CSMD3: variants seen among roughly 807,000 people sequenced by gnomAD.
The protein encoded by CSMD3 is CUB and sushi domain-containing protein 3.
Under a neutral mutation model 435.2 loss-of-function variants are expected in CSMD3, and 177 were observed. That is an observed-to-expected ratio of 0.41 (90% CI 0.36 to 0.46). The LOEUF (loss-of-function observed/expected upper bound fraction) is 0.46, where lower values mean the gene tolerates loss of function less well. Among genes scored for constraint, CSMD3 ranks in the 20% least tolerant of loss-of-function variants. CSMD3 has a pLI of 0.34. For synonymous variants in CSMD3, 1,656 were observed against 1,520.5 expected (o/e 1.09, Z -2.07); for missense variants, 4,265 against 4,504.6 (o/e 0.95, Z 1.52).
rs186772656 is a variant in CSMD3, at chr8:113,306,161, T to A, written c.401+8410A>T. Among the ~76,000 whole-genome samples the A allele has an allele frequency of 6.9e-4, 105 of 152,292 alleles. 3 individuals are homozygous for A. In the East Asian group the frequency reaches 0.018, roughly 27 times the overall value. On this transcript the variant is annotated intron_variant, in intron 2 of 70. Transcript: ENST00000297405. ...GAGAAATAATAAATAATAACTATTA[T>A]TATAGTTGTTAATATCACATATGTC...
chr8:112,721,518 G>A (rs1302222300), intron 13 of CSMD3, among the ~76,000 whole-genome samples: 1 of 152,192 alleles, frequency 6.6e-6, no homozygotes, highest in East Asian at 1.9e-4. Flanking sequence ...GGAGTTTGCA[G>A]TGAGCCGAGA....
chr8:112,610,334 T>TAA (rs78145810), intron 22 of CSMD3, among the ~76,000 whole-genome samples: 2 of 145,558 alleles, frequency 1.4e-5, no homozygotes, highest in Non-Finnish European at 1.5e-5. Context: ...AAGCTAAAAT[T>TAA]AAAAAAAAAA....
intron 1 of CSMD3, among the ~76,000 whole-genome samples, chr8:113,338,024 A>G (rs1447114756): frequency 6.6e-6 from 1 of 152,064 alleles, no homozygotes; most frequent in Admixed American, 6.6e-5. Flanking sequence ...AAAAAGTATT[A>G]GCAAATTATA....
At chr8:113,145,617 T>C (rs2091654648) in intron 4 of CSMD3, among the ~76,000 whole-genome samples, 1 of 151,692 alleles carries the variant, frequency 6.6e-6, no homozygotes, top group African/African-American at 2.4e-5. Context: ...AAAGGTATAA[T>C]GGTATTTTTA....
intron 1 of CSMD3, among the ~76,000 whole-genome samples, chr8:113,387,947 A>T (rs1011824291): frequency 6.6e-6 from 1 of 151,690 alleles, no homozygotes; most frequent in African/African-American, 2.4e-5. Context: ...GGGAAACTGG[A>T]CAGAAGAACA....
At chr8:113,410,138 GT>G (rs1173659721) in intron 1 of CSMD3, among the ~76,000 whole-genome samples, 2 of 151,968 alleles carry the variant, frequency 1.3e-5, no homozygotes, top group Non-Finnish European at 2.9e-5. Flanking sequence ...ACTCATACTT[GT>G]AAGTTTGTTT....
At chr8:112,897,975 G>A (rs1275101984) in intron 10 of CSMD3, among the ~76,000 whole-genome samples, 3 of 151,026 alleles carry the variant, frequency 2.0e-5, no homozygotes, top group Non-Finnish European at 4.4e-5. Flanking sequence ...CAAAATGGAG[G>A]TTTCAAGTTA....
intron 10 of CSMD3, among the ~76,000 whole-genome samples, chr8:112,892,180 T>C (rs1377537655): frequency 6.6e-6 from 1 of 151,572 alleles, no homozygotes; most frequent in Middle Eastern, 3.2e-3. Flanking sequence ...ATATATTATT[T>C]TTTGTTGGTG....
At chr8:112,461,074 T>C (rs1586400280) in intron 32 of CSMD3, among the ~76,000 whole-genome samples, 3 of 152,256 alleles carry the variant, frequency 2.0e-5, no homozygotes, top group Admixed American at 6.5e-5. Flanking sequence ...AGTAGGTAAT[T>C]AAATCATATG....
rs150951669 is a variant in CSMD3, at chr8:112,295,965, C to T, written c.8482G>A (p.Val2828Ile). The T allele has an allele frequency of 2.4e-4, 395 of 1,613,500 alleles. No homozygotes were observed. Among genetic ancestry groups the T allele is most frequent in the Non-Finnish European group, 3.2e-4 (382 of 1,179,690 alleles). Residue 2828 changes from valine (V) to isoleucine (I), a missense_variant, in exon 54 of 71, where the codon GTC (valine) becomes ATC (isoleucine). Transcript: ENST00000297405. ...CTATATCCATAATTTTCTCCAATGA[C>T]TTGACCATTCACAATCAGTTCTGGA... ...GIPELIVNGQ[V>I]IGENYGYRDT...
At chr8:112,742,305 C>T (rs2077330909) in intron 13 of CSMD3, among the ~76,000 whole-genome samples, 1 of 151,916 alleles carries the variant, frequency 6.6e-6, no homozygotes, top group Non-Finnish European at 1.5e-5. Flanking sequence ...TAAGATATAA[C>T]ATTTCTCCTT....
At chr8:112,603,084 G>T (rs1832507564) in intron 22 of CSMD3, among the ~76,000 whole-genome samples, 1 of 152,114 alleles carries the variant, frequency 6.6e-6, no homozygotes, top group African/African-American at 2.4e-5. Context: ...TACCATGTTG[G>T]CCAGGCTGGT....
intron 1 of CSMD3, among the ~76,000 whole-genome samples, chr8:113,337,002 G>T (rs1435645272): frequency 2.6e-5 from 4 of 152,014 alleles, no homozygotes; most frequent in Non-Finnish European, 5.9e-5. Flanking sequence ...TTGTTTGGCT[G>T]GTATAGGACA....
At chr8:112,507,601 C>T (rs1346307062) in intron 28 of CSMD3, among the ~76,000 whole-genome samples, 1 of 152,166 alleles carries the variant, frequency 6.6e-6, no homozygotes, top group Non-Finnish European at 1.5e-5. Flanking sequence ...CGGCATTCTT[C>T]TCTCACCTTG....
intron 1 of CSMD3, among the ~76,000 whole-genome samples, chr8:113,338,245 A>T (rs2094091899): frequency 6.6e-6 from 1 of 151,900 alleles, no homozygotes; most frequent in Admixed American, 6.6e-5. Flanking sequence ...CCATTAGAAC[A>T]TCTATAATTG....
chr8:113,376,957 A>T, intron 1 of CSMD3: 2 of 1,527,306 alleles, frequency 1.3e-6, no homozygotes, highest in Non-Finnish European at 1.8e-6. Flanking sequence ...GGAGGTGCCC[A>T]AACTAAAGGT....
intron 13 of CSMD3, among the ~76,000 whole-genome samples, chr8:112,719,413 A>T (rs1263039233): frequency 1.3e-5 from 2 of 152,214 alleles, no homozygotes; most frequent in Admixed American, 1.3e-4. Context: ...TGGCTTAGAC[A>T]ACAGGCATTT....
intron 17 of CSMD3, among the ~76,000 whole-genome samples, chr8:112,663,397 A>G (rs1266936137): frequency 6.7e-6 from 1 of 149,524 alleles, no homozygotes; most frequent in Non-Finnish European, 1.5e-5. Context: ...CAAAAAACCA[A>G]ACACCACATG....
chr8:112,609,911 A>G (rs1433203881), intron 22 of CSMD3, among the ~76,000 whole-genome samples: 1 of 152,184 alleles, frequency 6.6e-6, no homozygotes, highest in African/African-American at 2.4e-5. Context: ...AAGTGAAATA[A>G]GCCAGACACA....
Sources: gnomAD v4.1 joint callset for allele counts (sites outside exome capture counted in the v4.1 genomes callset) on GRCh38, gnomAD v4.1.1 for gene constraint, MANE v1.5 for transcripts, NCBI Gene and HGNC (gene_info 2026-07-23, HGNC 2026-07-21) for gene names.